ETV6: variants seen among roughly 807,000 people sequenced by gnomAD.
ETV6 encodes transcription factor ETV6.
Under a neutral mutation model 51.1 loss-of-function variants are expected in ETV6, and 16 were observed. The observed-to-expected ratio is 0.31, with a 90% CI of 0.21 to 0.48. ETV6 has a LOEUF of 0.48. Among genes scored for constraint, ETV6 ranks in the 20% least tolerant of loss-of-function variants. The pLI is 0.99. For missense variants in ETV6, 458 were observed against 594.8 expected (o/e 0.77, Z 2.39); for synonymous variants, 240 against 224.1 (o/e 1.07, Z -0.64).
intron 1 of ETV6, among the ~76,000 whole-genome samples, chr12:11,693,547 G>C (rs1219139788): frequency 6.6e-6 from 1 of 152,166 alleles, no homozygotes; most frequent in Non-Finnish European, 1.5e-5. Flanking sequence ...GTCCTTGTCA[G>C]GCTGTTTGCT....
chr12:11,689,946 T>G (rs908531008), intron 1 of ETV6, among the ~76,000 whole-genome samples: 7 of 151,854 alleles, frequency 4.6e-5, no homozygotes, highest in Admixed American at 1.3e-4. Flanking sequence ...ACTGATGGAT[T>G]TTCGTGCGCA....
In ETV6 at chr12:11,892,765, T is replaced by C. The variant is rs920574135; in HGVS notation, c.*1719T>C. ...TCTCCCCAGCTTTTTCTGAGTTGAG[T>C]CAGACATGTAGAGTTTGGGTCACAC... On this transcript the variant is annotated 3_prime_UTR_variant, in exon 8 of 8. Transcript: ENST00000396373. 1.3e-4 allele frequency: 31 copies of C among 232,764 alleles called. No individual in the cohort carries two copies. Among genetic ancestry groups the C allele is most frequent in the African/African-American group, 6.2e-4 (28 of 45,252 alleles). 14.4% of individuals were successfully genotyped at this position (232,764 alleles called of 1,614,324 possible).
chr12:11,817,640 T>C (rs1565537559), intron 2 of ETV6, among the ~76,000 whole-genome samples: 1 of 152,212 alleles, frequency 6.6e-6, no homozygotes, highest in Non-Finnish European at 1.5e-5. Flanking sequence ...CAAATCATTG[T>C]TGCTTTTCAA....
At chr12:11,725,825 C>T (rs1239815793) in intron 1 of ETV6, among the ~76,000 whole-genome samples, 5 of 152,204 alleles carry the variant, frequency 3.3e-5, no homozygotes, top group Non-Finnish European at 4.4e-5. Flanking sequence ...TCTCTGCACA[C>T]GCCGGCTCGC....
chr12:11,880,695 G>A (rs987524117), intron 5 of ETV6, among the ~76,000 whole-genome samples: 3 of 152,204 alleles, frequency 2.0e-5, no homozygotes, highest in Non-Finnish European at 4.4e-5. Context: ...CAAGAGGGCT[G>A]CCATGATGTC....
chr12:11,847,305 C>G (rs546369719), intron 3 of ETV6, among the ~76,000 whole-genome samples: 41 of 152,274 alleles, frequency 2.7e-4, no homozygotes, highest in African/African-American at 4.6e-4. Flanking sequence ...TTGTGTTAGG[C>G]ACATCAAATG....
chr12:11,652,743 T>G (rs1863929823), intron 1 of ETV6, among the ~76,000 whole-genome samples: 1 of 152,252 alleles, frequency 6.6e-6, no homozygotes, highest in Non-Finnish European at 1.5e-5. Flanking sequence ...CCTGCTCTGC[T>G]AGAAAAGAGT....
chr12:11,820,469 G>A (rs773633804), intron 2 of ETV6, among the ~76,000 whole-genome samples: 5 of 152,014 alleles, frequency 3.3e-5, no homozygotes, highest in Non-Finnish European at 7.3e-5. Context: ...ACAAAAATAA[G>A]CAAGAAAGAA....
chr12:11,798,381 A>G (rs771178623), intron 2 of ETV6, among the ~76,000 whole-genome samples: 1 of 152,212 alleles, frequency 6.6e-6, no homozygotes, highest in Non-Finnish European at 1.5e-5. Context: ...GACCAGTTAC[A>G]AGGGAAAATC....
intron 2 of ETV6, among the ~76,000 whole-genome samples, chr12:11,798,037 T>C (rs1415152416): frequency 6.6e-6 from 1 of 152,232 alleles, no homozygotes; most frequent in Non-Finnish European, 1.5e-5. Context: ...TGAGATTATC[T>C]TTCCAAGGAA....
chr12:11,786,748 T>G (rs940959852), intron 2 of ETV6, among the ~76,000 whole-genome samples: 4 of 152,242 alleles, frequency 2.6e-5, no homozygotes, highest in African/African-American at 4.8e-5. Context: ...TTTGCATACA[T>G]CCATGCCTTT....
chr12:11,853,654 GTTCAC>G, intron 4 of ETV6, 93 bp downstream of exon 4: 1 of 1,438,422 alleles, frequency 7.0e-7, no homozygotes. Flanking sequence ...CTTCGTGTAA[GTTCAC>G]TTTTCATTCA....
intron 1 of ETV6, among the ~76,000 whole-genome samples, chr12:11,668,869 G>A (rs1020949335): frequency 2.6e-5 from 4 of 152,158 alleles, no homozygotes; most frequent in African/African-American, 9.7e-5. Context: ...TGGGCCAGCA[G>A]ACTGGTTCCT....
intron 2 of ETV6, among the ~76,000 whole-genome samples, chr12:11,813,090 T>A (rs1945938758): frequency 6.6e-6 from 1 of 152,230 alleles, no homozygotes; most frequent in Non-Finnish European, 1.5e-5. Flanking sequence ...GCCAAGGCTG[T>A]GCATGCCAGC....
chr12:11,844,833 T>A lies in ETV6; in HGVS notation c.328+5529T>A, dbSNP rs900824689. Among the ~76,000 whole-genome samples, 12 of 151,734 alleles carry A rather than the reference T, an allele frequency of 7.9e-5. No homozygotes were observed. In the East Asian group the frequency reaches 9.6e-4, roughly 12 times the overall value. The stretch of plus-strand genomic sequence containing the variant: ...TCACTTACGTGAAAGTCATTTTATT[T>A]CTTTTCTTTTTTTTTTTTAGATGGA... On this transcript the variant is annotated intron_variant, in intron 3 of 7. Transcript: ENST00000396373.
intron 5 of ETV6, among the ~76,000 whole-genome samples, chr12:11,872,852 G>A (rs1408197202): frequency 2.0e-5 from 3 of 152,162 alleles, no homozygotes; most frequent in Non-Finnish European, 1.5e-5. Flanking sequence ...GATGGATGCG[G>A]CCTCATCGGT....
intron 2 of ETV6, among the ~76,000 whole-genome samples, chr12:11,832,179 G>A (rs1180540909): frequency 2.0e-5 from 3 of 152,214 alleles, no homozygotes; most frequent in Admixed American, 1.3e-4. Context: ...TAAGCATGAT[G>A]TCAGCCTGCT....
chr12:11,834,455 A>G (rs964831308), intron 2 of ETV6, among the ~76,000 whole-genome samples: 1 of 152,246 alleles, frequency 6.6e-6, no homozygotes, highest in African/African-American at 2.4e-5. Context: ...GTGTTGCTCA[A>G]ATCAATAAAA....
chr12:11,775,670 C>T (rs1230581963), intron 2 of ETV6, among the ~76,000 whole-genome samples: 1 of 152,190 alleles, frequency 6.6e-6, no homozygotes, highest in Non-Finnish European at 1.5e-5. Flanking sequence ...AGTTTCAGGT[C>T]TTTGCTCAGG....
Sources: allele counts gnomAD v4.1 joint callset (sites outside exome capture counted in the v4.1 genomes callset), GRCh38; gene constraint gnomAD v4.1.1; transcripts MANE v1.5; gene names NCBI Gene and HGNC (gene_info 2026-07-23, HGNC 2026-07-21).